PPM1H: variants seen among roughly 807,000 people sequenced by gnomAD.
PPM1H encodes protein phosphatase 1H.
In PPM1H, 27 loss-of-function variants were observed where a neutral mutation model predicts 54.9. The ratio of observed to expected loss-of-function variants is 0.49; its 90% CI spans 0.36 to 0.68. PPM1H has a LOEUF of 0.68. Among genes scored for constraint, PPM1H ranks in the 30% least tolerant of loss-of-function variants. The pLI, the probability that PPM1H is intolerant of heterozygous loss-of-function variation, is 0.00. For synonymous variants in PPM1H, 305 were observed against 270.8 expected (o/e 1.13, Z -1.24); for missense variants, 596 against 667.8 (o/e 0.89, Z 1.19).
At chr12:62,900,737 A>G (rs575040060) in intron 1 of PPM1H, among the ~76,000 whole-genome samples, 2 of 152,144 alleles carry the variant, frequency 1.3e-5, no homozygotes, top group African/African-American at 2.4e-5. Flanking sequence ...TGATTTTACA[A>G]AAAGGGAAGC....
At chr12:62,828,023 G>A (rs1044339201) in intron 2 of PPM1H, among the ~76,000 whole-genome samples, 3 of 152,084 alleles carry the variant, frequency 2.0e-5, no homozygotes, top group African/African-American at 7.2e-5. Context: ...TATGTTCAGT[G>A]GGTGAGGGAA....
At chr12:62,834,014 G>A (rs1036088253) in intron 1 of PPM1H, among the ~76,000 whole-genome samples, 1 of 152,060 alleles carries the variant, frequency 6.6e-6, no homozygotes, top group African/African-American at 2.4e-5. Context: ...TCAATAAAAA[G>A]GGCTTCGCTG....
intron 1 of PPM1H, among the ~76,000 whole-genome samples, chr12:62,896,908 T>C (rs927552703): frequency 6.6e-6 from 1 of 152,102 alleles, no homozygotes; most frequent in Non-Finnish European, 1.5e-5. Flanking sequence ...CACTATGGAA[T>C]ACTATGCAGT....
intron 2 of PPM1H, among the ~76,000 whole-genome samples, chr12:62,817,379 G>A (rs867813266): frequency 1.7e-4 from 26 of 151,406 alleles, no homozygotes; most frequent in Admixed American, 1.1e-3. Context: ...GGAGAATGGC[G>A]TGAACCTGGC....
chr12:62,810,947 A>T (rs2076831646), intron 2 of PPM1H, among the ~76,000 whole-genome samples: 1 of 152,252 alleles, frequency 6.6e-6, no homozygotes, highest in South Asian at 2.1e-4. Context: ...GGCACTAGAG[A>T]TACAGCAGAA....
chr12:62,762,981 A>AT (rs56064801), intron 4 of PPM1H, among the ~76,000 whole-genome samples: 53,292 of 151,202 alleles, frequency 0.35, 9,585 homozygotes, highest in Middle Eastern at 0.47. Flanking sequence ...GAAAGAAACT[A>AT]TTTTTTTTTC....
At chr12:62,651,541 G>T (rs558002390) in intron 9 of PPM1H, among the ~76,000 whole-genome samples, 1 of 152,286 alleles carries the variant, frequency 6.6e-6, no homozygotes, top group South Asian at 2.1e-4. Flanking sequence ...ACCTAGAAAA[G>T]ATGGCTACCC....
Position 62,853,994 on chromosome 12 carries a change from A to G in PPM1H, c.246-21715T>C, listed in dbSNP as rs148294605. On this transcript the variant is annotated intron_variant, in intron 1 of 9. Transcript: ENST00000228705. ...ATTCAAATTAACTTCCATACATGCC[A>G]TCTGCTCCAAAAAAGTCTTCTGATA... Among the ~76,000 whole-genome samples the G allele has an allele frequency of 9.1e-3, 1,389 of 152,284 alleles. 27 individuals carry two copies. The highest frequency in any genetic ancestry group is 0.017 in the Middle Eastern group (5 of 294).
At chr12:62,932,850 GTCTCGAACTCCTGACC>G (rs1372343820) in intron 1 of PPM1H, among the ~76,000 whole-genome samples, 1 of 151,726 alleles carries the variant, frequency 6.6e-6, no homozygotes, top group Non-Finnish European at 1.5e-5. Context: ...ATTCAGGCTG[GTCTCGAACTCCTGACC>G]TCACGTGATC....
At chr12:62,830,479 T>A (rs192678818) in intron 2 of PPM1H, among the ~76,000 whole-genome samples, 3 of 152,138 alleles carry the variant, frequency 2.0e-5, no homozygotes, top group African/African-American at 7.2e-5. Context: ...ATGGTCTCGA[T>A]CTCCTGACCT....
chr12:62,674,933 G>A (rs1203889280), intron 8 of PPM1H, among the ~76,000 whole-genome samples: 1 of 152,132 alleles, frequency 6.6e-6, no homozygotes, highest in African/African-American at 2.4e-5. Flanking sequence ...TGAGAGGTTA[G>A]GCCTAGGTGG....
chr12:62,663,982 A>T (rs998220868), intron 9 of PPM1H, among the ~76,000 whole-genome samples: 1 of 124,376 alleles, frequency 8.0e-6, no homozygotes, highest in African/African-American at 3.1e-5. Flanking sequence ...ACAAGAGCGA[A>T]ACTCCATCTC....
At chr12:62,904,711 G>A (rs143457897) in intron 1 of PPM1H, among the ~76,000 whole-genome samples, 1 of 152,316 alleles carries the variant, frequency 6.6e-6, no homozygotes, top group East Asian at 1.9e-4. Context: ...GGAGGTTGGT[G>A]TGAGCTATTC....
intron 1 of PPM1H, among the ~76,000 whole-genome samples, chr12:62,880,315 T>G (rs680831): frequency 0.43 from 66,148 of 152,078 alleles, 15,001 homozygotes; most frequent in East Asian, 0.58. Context: ...GGATGATTGT[T>G]GGGGCAGGGT....
intron 4 of PPM1H, among the ~76,000 whole-genome samples, chr12:62,767,194 T>A (rs1253939196): frequency 1.3e-5 from 2 of 152,110 alleles, no homozygotes; most frequent in Non-Finnish European, 2.9e-5. Flanking sequence ...GCTTCTATAC[T>A]TGGGCAACAT....
At chr12:62,882,865 G>C (rs888592934) in intron 1 of PPM1H, among the ~76,000 whole-genome samples, 24 of 152,090 alleles carry the variant, frequency 1.6e-4, no homozygotes, top group African/African-American at 5.6e-4. Context: ...TCATGCCTCA[G>C]TGCCTTTGCA....
intron 8 of PPM1H, among the ~76,000 whole-genome samples, chr12:62,683,464 T>C (rs946849940): frequency 4.6e-5 from 7 of 152,276 alleles, no homozygotes; most frequent in African/African-American, 1.7e-4. Context: ...ACACTGGTGC[T>C]GGGTTGGAAT....
intron 1 of PPM1H, among the ~76,000 whole-genome samples, chr12:62,910,392 A>T (rs1871418971): frequency 6.6e-6 from 1 of 152,224 alleles, no homozygotes; most frequent in South Asian, 2.1e-4. Context: ...TCAGTCCCTC[A>T]AAAGAACTTT....
intron 2 of PPM1H, among the ~76,000 whole-genome samples, chr12:62,805,127 A>G (rs1414233804): frequency 3.3e-5 from 5 of 152,248 alleles, no homozygotes; most frequent in African/African-American, 4.8e-5. Flanking sequence ...CTCAAAATCA[A>G]TAATCATCAG....
Sources: gnomAD v4.1 joint callset for allele counts (sites outside exome capture counted in the v4.1 genomes callset) on GRCh38, gnomAD v4.1.1 for gene constraint, MANE v1.5 for transcripts, NCBI Gene and HGNC (gene_info 2026-07-23, HGNC 2026-07-21) for gene names.